NEO1: variants seen among roughly 807,000 people sequenced by gnomAD.
NEO1 encodes the protein neogenin 1, also known as neogenin.
NEO1 carries 63 observed loss-of-function variants against 159.7 expected under a neutral mutation model. That is an observed-to-expected ratio of 0.39 (90% CI 0.32 to 0.49). The LOEUF is 0.49. NEO1 is among the 20% of genes least tolerant of loss of function. The probability of loss-of-function intolerance (pLI) is 0.85; values close to 1 mark genes in which losing one functional copy is unlikely to be tolerated. For missense variants in NEO1, 1,615 were observed against 1,831.0 expected (o/e 0.88, Z 2.15); for synonymous variants, 633 against 662.0 (o/e 0.96, Z 0.67).
chr15:73,150,384 T>C (rs1005491234), intron 5 of NEO1, among the ~76,000 whole-genome samples: 1 of 152,146 alleles, frequency 6.6e-6, no homozygotes, highest in Non-Finnish European at 1.5e-5. Flanking sequence ...GGAAAAAATA[T>C]TTTATAATTG....
intron 1 of NEO1, among the ~76,000 whole-genome samples, chr15:73,073,346 A>G (rs1422846883): frequency 1.3e-5 from 2 of 152,124 alleles, no homozygotes; most frequent in Non-Finnish European, 2.9e-5. Context: ...TTGAGGGACA[A>G]GTGGGAAGGG....
rs189430597 is a variant in NEO1 at position 73,146,821 on chromosome 15, G to A, written c.1015+10794G>A. On this transcript the variant is annotated intron_variant, in intron 5 of 28. Coordinates refer to ENST00000261908, the MANE Select transcript of NEO1 (RefSeq NM_002499.4). ...TGAAAATGTTGCAGATAGAAGAGCC[G>A]TTCAAAGACCTGAAGATTCTGCCTG... Among the ~76,000 whole-genome samples, 33 of 152,290 alleles carry A rather than the reference G, an allele frequency of 2.2e-4. No individual in the cohort carries two copies. The East Asian group carries it at 4.4e-3, about 20-fold the overall frequency.
chr15:73,267,712 A>G (rs1265759127), intron 16 of NEO1, among the ~76,000 whole-genome samples: 1 of 151,842 alleles, frequency 6.6e-6, no homozygotes, highest in African/African-American at 2.4e-5. Context: ...TACAAAGGAC[A>G]TGAACTCATC....
intron 1 of NEO1, among the ~76,000 whole-genome samples, chr15:73,099,938 ACTTTT>A (rs2070304369): frequency 6.6e-6 from 1 of 152,254 alleles, no homozygotes; most frequent in African/African-American, 2.4e-5. Context: ...ATCATTTTCT[ACTTTT>A]CTTGTTCACT....
chr15:73,125,256 G>T (rs182325007), intron 3 of NEO1, among the ~76,000 whole-genome samples: 1 of 152,324 alleles, frequency 6.6e-6, no homozygotes, highest in Non-Finnish European at 1.5e-5. Flanking sequence ...GTTTTGGGTT[G>T]TACTGGTTAA....
In NEO1 at chr15:73,283,062, G is replaced by T. The variant is rs771095130; in HGVS notation, c.3361G>T (p.Val1121Leu). 1 of 1,614,214 alleles carries T rather than the reference G, an allele frequency of 6.2e-7. No homozygotes were observed. The change falls in exon 23 of 29, where the codon GTG becomes TTG. Residue 1121 changes from valine to leucine, a missense_variant. Val to Leu is a conservative substitution (Grantham distance 32). Around this residue, in one of 3 missense-constraint regions of NEO1, gnomAD observed 471 missense variants for 498.9 expected, o/e 0.94. Transcript: ENST00000261908. ...TGGCGTCATCACCATCGTGGTGGTT[G>T]TGATTATCGCTGTCTTTTGTACCCG... ...SVGVITIVVVVIIAVFCTRRT... is the reference protein window; with the variant it reads ...SVGVITIVVVLIIAVFCTRRT...
intron 3 of NEO1, 50 bp from the exon 4 acceptor site, chr15:73,126,367 G>T (rs1424364763): frequency 4.0e-6 from 6 of 1,510,322 alleles, no homozygotes; most frequent in Non-Finnish European, 5.3e-6. Context: ...ACCATGTCCA[G>T]CCTGTTTTGT....
intron 7 of NEO1, among the ~76,000 whole-genome samples, chr15:73,206,576 A>G (rs1346036821): frequency 6.6e-6 from 1 of 152,096 alleles, no homozygotes; most frequent in Non-Finnish European, 1.5e-5. Flanking sequence ...AGACTATCCA[A>G]AAATAGTTTG....
chr15:73,283,451 T>G (rs1368106798), intron 23 of NEO1, among the ~76,000 whole-genome samples: 3 of 152,224 alleles, frequency 2.0e-5, no homozygotes, highest in African/African-American at 7.2e-5. Context: ...TTCAGAAATC[T>G]GAAGCAGTAG....
rs2042674534 is a variant in NEO1, at chr15:73,302,857, G to C, written c.*161G>C. On this transcript the variant is annotated 3_prime_UTR_variant, in exon 29 of 29. Transcript: ENST00000261908. ...CTGTGTAGGGCTGGCTCCAGGCATGGCCACCTGCCTTCCCCTGGTCAGCCT... is the reference window on the plus strand; with the variant it reads ...CTGTGTAGGGCTGGCTCCAGGCATGCCCACCTGCCTTCCCCTGGTCAGCCT... 6.6e-6 allele frequency: 4 copies of C among 605,694 alleles called. No homozygotes were observed. Among genetic ancestry groups the C allele is most frequent in the Non-Finnish European group, 1.2e-5 (4 of 344,018 alleles). The allele number at this position is 605,694 out of a possible 1,614,324, so 37.5% of individuals were successfully genotyped here.
At chr15:73,246,266 C>G (rs1161583033) in intron 9 of NEO1, among the ~76,000 whole-genome samples, 1 of 152,180 alleles carries the variant, frequency 6.6e-6, no homozygotes, top group African/African-American at 2.4e-5. Flanking sequence ...GACCTTTCAT[C>G]ATTTCAGTGA....
intron 1 of NEO1, among the ~76,000 whole-genome samples, chr15:73,081,613 T>C (rs2069050129): frequency 6.6e-6 from 1 of 151,982 alleles, no homozygotes; most frequent in Non-Finnish European, 1.5e-5. Flanking sequence ...GGACTCACTG[T>C]CACCCAGACT....
intron 5 of NEO1, among the ~76,000 whole-genome samples, chr15:73,146,944 G>A (rs2032951134): frequency 6.6e-6 from 1 of 152,170 alleles, no homozygotes; most frequent in Non-Finnish European, 1.5e-5. Context: ...AGCTTTGTGG[G>A]ACAAATAAGC....
intron 25 of NEO1, among the ~76,000 whole-genome samples, chr15:73,290,485 G>A (rs1245143828): frequency 1.3e-5 from 2 of 150,276 alleles, no homozygotes; most frequent in Non-Finnish European, 3.0e-5. Flanking sequence ...CACCCAACTC[G>A]GCCTCCCAAA....
intron 1 of NEO1, among the ~76,000 whole-genome samples, chr15:73,054,149 T>TA (rs1386665069): frequency 6.6e-6 from 1 of 152,256 alleles, no homozygotes; most frequent in Non-Finnish European, 1.5e-5. Context: ...TGCAGGTTAC[T>TA]GATCCAACTG....
rs149148648 is a variant in NEO1 at position 73,114,151 on chromosome 15, A to T, written c.131-2389A>T. Among the ~76,000 whole-genome samples the T allele has an allele frequency of 2.2e-3, 336 of 152,306 alleles. 3 individuals are homozygous for T. Among genetic ancestry groups the T allele is most frequent in the Non-Finnish European group, 3.6e-3 (242 of 68,022 alleles). On this transcript the variant is annotated intron_variant, in intron 1 of 28. Coordinates refer to ENST00000261908, the MANE Select transcript of NEO1 (RefSeq NM_002499.4). Reference sequence around the variant, plus strand: ...GACAGACAGCATTTCTGAGCAAATGATATTTAAGCTGAGCTTGAAGGAAGA... The same window carrying T: ...GACAGACAGCATTTCTGAGCAAATGTTATTTAAGCTGAGCTTGAAGGAAGA...
At chr15:73,215,528 A>G (rs1226275421) in intron 7 of NEO1, among the ~76,000 whole-genome samples, 4 of 152,190 alleles carry the variant, frequency 2.6e-5, no homozygotes, top group Non-Finnish European at 5.9e-5. Context: ...CTCTGCATCT[A>G]TTGAGAAGAT....
intron 5 of NEO1, among the ~76,000 whole-genome samples, chr15:73,157,476 G>A (rs2033865380): frequency 6.6e-6 from 1 of 152,190 alleles, no homozygotes; most frequent in South Asian, 2.1e-4. Context: ...GGATTCAGGA[G>A]GGTCAAGGTG....
chr15:73,171,878 G>C (rs2034995652), intron 5 of NEO1, among the ~76,000 whole-genome samples: 1 of 151,886 alleles, frequency 6.6e-6, no homozygotes, highest in Admixed American at 6.6e-5. Context: ...CTGACCTCAG[G>C]TGATCACCTG....
Sources: allele counts gnomAD v4.1 joint callset (sites outside exome capture counted in the v4.1 genomes callset), GRCh38; gene constraint gnomAD v4.1.1; regional missense constraint gnomAD v4.1.1; transcripts MANE v1.5; gene names NCBI Gene and HGNC (gene_info 2026-07-23, HGNC 2026-07-21).